PRKCQ: variants seen among roughly 807,000 people sequenced by gnomAD.
The protein encoded by PRKCQ is protein kinase C theta type.
Under a neutral mutation model 91.2 loss-of-function variants are expected in PRKCQ, and 41 were observed. The observed-to-expected ratio is 0.45, with a 90% CI of 0.35 to 0.58. The LOEUF is 0.58. Ranked by LOEUF, PRKCQ falls within the 20% of genes least tolerant of loss-of-function variation. PRKCQ has a pLI of 0.00. For missense variants in PRKCQ, 673 were observed against 896.5 expected (o/e 0.75, Z 3.18); for synonymous variants, 307 against 316.9 (o/e 0.97, Z 0.33).
intron 7 of PRKCQ, among the ~76,000 whole-genome samples, chr10:6,496,027 C>A (rs1021450852): frequency 4.6e-5 from 7 of 151,850 alleles, no homozygotes; most frequent in African/African-American, 4.8e-5. Context: ...ACCAGCCTGG[C>A]CAACATGGTG....
intron 4 of PRKCQ, among the ~76,000 whole-genome samples, chr10:6,499,906 A>G (rs1837812060): frequency 6.6e-6 from 1 of 152,246 alleles, no homozygotes; most frequent in Admixed American, 6.5e-5. Context: ...CCAGGAATCC[A>G]GCCACATCCC....
chr10:6,498,361 C>T (rs1218905609), intron 5 of PRKCQ, 35 bp downstream of exon 5: 2 of 1,609,046 alleles, frequency 1.2e-6, no homozygotes, highest in Admixed American at 3.3e-5. Context: ...AAATGCATAA[C>T]CCGAAGCTTG....
chr10:6,463,181 AG>A (rs1023161406), intron 13 of PRKCQ, among the ~76,000 whole-genome samples: 2 of 152,288 alleles, frequency 1.3e-5, no homozygotes, highest in African/African-American at 4.8e-5. Context: ...GGTGGAAAAG[AG>A]GATATTAGCA....
rs149204733 is a variant in PRKCQ at position 6,491,419 on chromosome 10, G to C, written c.790+264C>G. ...TTCATTTCCCCCAGGGCTATGGTAC[G>C]GCAGAAGGTGATGGAGCTAGGAGTT... is the stretch of plus-strand genomic sequence containing the variant. On this transcript the variant is annotated intron_variant, in intron 8 of 17. Coordinates refer to ENST00000263125, the MANE Select transcript of PRKCQ (RefSeq NM_006257.5). 2.6e-5 allele frequency among the ~76,000 whole-genome samples: 4 copies of C among 152,320 alleles called. No individual in the cohort carries two copies. The East Asian group carries it at 7.7e-4, about 29-fold the overall frequency.
rs183256127 is a variant in PRKCQ, at chr10:6,468,619, T to A, written c.1354-4215A>T. Reference sequence around the variant, plus strand: ...CAAGATGGGAAAAGAAGGAAAAGAATAATTATAGTCATTTTTTTCGAGGTA... The same window carrying A: ...CAAGATGGGAAAAGAAGGAAAAGAAAAATTATAGTCATTTTTTTCGAGGTA... On this transcript the variant is annotated intron_variant, in intron 12 of 17. Coordinates refer to ENST00000263125, the MANE Select transcript of PRKCQ (RefSeq NM_006257.5). 9.8e-5 allele frequency among the ~76,000 whole-genome samples: 15 copies of A among 152,338 alleles called. No homozygotes were observed. In the East Asian group the frequency reaches 2.9e-3, roughly 29 times the overall value.
chr10:6,579,621 G>A (rs936596970), intron 1 of PRKCQ, among the ~76,000 whole-genome samples: 5 of 151,182 alleles, frequency 3.3e-5, no homozygotes, highest in African/African-American at 7.3e-5. Context: ...CCTCACTTGA[G>A]GCTACAGGAA....
chr10:6,395,992 T>C, the PRKCQ span, among the ~76,000 whole-genome samples: 1 of 152,126 alleles, frequency 6.6e-6, no homozygotes. Context: ...CTTAATGGAA[T>C]CCTCAAGCAG....
At chr10:6,560,596 G>A (rs766345452) in intron 1 of PRKCQ, among the ~76,000 whole-genome samples, 3 of 152,022 alleles carry the variant, frequency 2.0e-5, no homozygotes, top group Admixed American at 1.3e-4. Context: ...ATTTTTCTCC[G>A]TATTCATTTT....
At chr10:6,457,397 T>G (rs1409322098) in intron 14 of PRKCQ, among the ~76,000 whole-genome samples, 1 of 152,216 alleles carries the variant, frequency 6.6e-6, no homozygotes, top group Non-Finnish European at 1.5e-5. Context: ...CCATGTGATG[T>G]CACCTATTGG....
intron 1 of PRKCQ, among the ~76,000 whole-genome samples, chr10:6,550,313 G>A (rs536436604): frequency 3.9e-5 from 6 of 151,936 alleles, no homozygotes; most frequent in South Asian, 2.1e-4. Flanking sequence ...TCACTCTGCC[G>A]CCCAGCCTGG....
intron 7 of PRKCQ, among the ~76,000 whole-genome samples, chr10:6,493,773 C>T (rs1472459616): frequency 6.6e-6 from 1 of 152,204 alleles, no homozygotes. Flanking sequence ...ACCAGCTCTG[C>T]CACGTACAGG....
chr10:6,438,153 T>A (rs1833793136), intron 16 of PRKCQ, among the ~76,000 whole-genome samples: 1 of 152,224 alleles, frequency 6.6e-6, no homozygotes, highest in African/African-American at 2.4e-5. Flanking sequence ...AACATCTTGT[T>A]CCTTTACCCC....
intron 1 of PRKCQ, among the ~76,000 whole-genome samples, chr10:6,567,561 T>C (rs1238963778): frequency 6.6e-6 from 1 of 152,260 alleles, no homozygotes; most frequent in East Asian, 1.9e-4. Context: ...CCCAGTGTTT[T>C]CCCTCTATGA....
At chr10:6,404,603 C>A in the PRKCQ span, among the ~76,000 whole-genome samples, 1 of 136,594 alleles carries the variant, frequency 7.3e-6, no homozygotes, top group Non-Finnish European at 1.5e-5. Flanking sequence ...TTCTCTCTCT[C>A]TTTCTCTCTT....
chr10:6,549,624 C>CTTTT lies in PRKCQ; in HGVS notation c.-10+30583_-10+30586dup, dbSNP rs753280727. Among the ~76,000 whole-genome samples the CTTTT allele has an allele frequency of 5.8e-3, 727 of 124,386 alleles. 20 individuals are homozygous for CTTTT. The highest frequency in any genetic ancestry group is 0.021 in the African/African-American group (681 of 32,508). The allele number at this position is 124,386 out of a possible 152,430, so 81.6% of individuals were successfully genotyped here. A position where few individuals can be genotyped will look rare whatever the true frequency, so the allele number is the denominator to read the frequency against. ...AAAAAGCACATAACATAAAATTCAT[C>CTTTT]TTTTTTTTTTTTTTTTTTTGAGACA... On this transcript the variant is annotated intron_variant, in intron 1 of 17. Coordinates refer to ENST00000263125, the MANE Select transcript of PRKCQ (RefSeq NM_006257.5).
At position 6,428,126 on chromosome 10, in the gene PRKCQ, GA is replaced by G; in HGVS notation, c.*80del. The stretch of plus-strand genomic sequence containing the variant: ...GAGTGTTTCTTTCTTTTTCCAAGTT[GA>G]AAAAGGAACCCAAGCAGTGTCTCTT... On this transcript the variant is annotated 3_prime_UTR_variant, in exon 18 of 18. Coordinates refer to ENST00000263125, the MANE Select transcript of PRKCQ (RefSeq NM_006257.5). The G allele has an allele frequency of 1.3e-6, 2 of 1,551,634 alleles. No homozygotes were observed. The highest frequency in any genetic ancestry group is 1.8e-6 in the Non-Finnish European group (2 of 1,135,838).
intron 4 of PRKCQ, among the ~76,000 whole-genome samples, chr10:6,505,530 CTTTT>C (rs56295862): frequency 0.43 from 60,235 of 139,984 alleles, 13,924 homozygotes; most frequent in Admixed American, 0.59. Context: ...TTCTTTCTTT[CTTTT>C]TCTTTCTTTT....
In PRKCQ at chr10:6,517,588, C is replaced by CTTTTTTTT. The variant is rs56306878; in HGVS notation, c.-9-2452_-9-2445dup. On this transcript the variant is annotated intron_variant, in intron 1 of 17. Transcript: ENST00000263125. ...AAAAAATGCATCTTTAAGATAGCAT[C>CTTTTTTTT]TTTTTTTTTTTTTTTTTTTTTTTTT... is the stretch of plus-strand genomic sequence containing the variant. 2.2e-4 allele frequency among the ~76,000 whole-genome samples: 11 copies of CTTTTTTTT among 49,490 alleles called. 1 individual carries two copies. The highest frequency in any genetic ancestry group is 7.9e-4 in the African/African-American group (10 of 12,676). 32.5% of individuals were successfully genotyped at this position (49,490 alleles called of 152,430 possible). A position where few individuals can be genotyped will look rare whatever the true frequency, so the allele number is the denominator to read the frequency against.
At chr10:6,441,808 G>A in intron 16 of PRKCQ, 85 bp downstream of exon 16, 1 of 1,363,032 alleles carries the variant, frequency 7.3e-7, no homozygotes, top group Non-Finnish European at 1.0e-6. Flanking sequence ...TTTGCCACAT[G>A]CAAGTTGGAA....
Sources: gnomAD v4.1 joint callset for allele counts (sites outside exome capture counted in the v4.1 genomes callset) on GRCh38, gnomAD v4.1.1 for gene constraint, MANE v1.5 for transcripts, NCBI Gene and HGNC (gene_info 2026-07-23, HGNC 2026-07-21) for gene names.